Variants in PTPRF observed in about 807,000 individuals in gnomAD.
The protein encoded by PTPRF is protein tyrosine phosphatase receptor type F, also known as receptor-type tyrosine-protein phosphatase F.
Under a neutral mutation model 201.8 loss-of-function variants are expected in PTPRF, and 59 were observed. That is an observed-to-expected ratio of 0.29 (90% CI 0.24 to 0.36). The LOEUF is 0.36. PTPRF is among the 10% of genes least tolerant of loss of function. The pLI is 1.00. For missense variants in PTPRF, 2,132 were observed against 2,690.5 expected, an observed-to-expected ratio of 0.79 and a Z score of 4.59; for synonymous variants, 1,088 against 1,089.7, an observed-to-expected ratio of 1.00 and a Z score of 0.03.
intron 6 of PTPRF, among the ~76,000 whole-genome samples, chr1:43,573,154 G>A (rs1169534835): frequency 6.6e-6 from 1 of 152,102 alleles, no homozygotes; most frequent in African/African-American, 2.4e-5. Flanking sequence ...ACCACCTCCT[G>A]GAGAATTGGA....
chr1:43,621,817 GTCC>G, intron 33 of PTPRF, 115 bp from the exon 34 acceptor site: 6 of 973,754 alleles, frequency 6.2e-6, no homozygotes, highest in Non-Finnish European at 9.5e-6. Context: ...AGCTGCCAGG[GTCC>G]AGCACCTGCT....
intron 6 of PTPRF, among the ~76,000 whole-genome samples, chr1:43,578,421 C>T (rs1475643262): frequency 1.3e-5 from 2 of 152,188 alleles, no homozygotes; most frequent in Non-Finnish European, 2.9e-5. Context: ...TGCTCCCACA[C>T]CTGGCTCTGA....
At chr1:43,576,304 G>A (rs1386010658) in intron 6 of PTPRF, among the ~76,000 whole-genome samples, 1 of 152,208 alleles carries the variant, frequency 6.6e-6, no homozygotes, top group Non-Finnish European at 1.5e-5. Context: ...GTGTGACCAA[G>A]CCTTGCCTTT....
intron 2 of PTPRF, among the ~76,000 whole-genome samples, chr1:43,541,270 C>T (rs1644345129): frequency 6.6e-6 from 1 of 152,202 alleles, no homozygotes. Flanking sequence ...GAAAACAAAT[C>T]AATCTGTGTT....
intron 7 of PTPRF, among the ~76,000 whole-genome samples, chr1:43,584,961 C>T (rs78429813): frequency 2.2e-3 from 334 of 152,254 alleles, no homozygotes; most frequent in African/African-American, 7.8e-3. Flanking sequence ...GGGTTGTCAG[C>T]GCAAATAATT....
upstream of PTPRF, among the ~76,000 whole-genome samples, chr1:43,526,099 C>T (rs189605958): frequency 1.1e-4 from 16 of 152,136 alleles, no homozygotes; most frequent in Admixed American, 9.2e-4. Context: ...AGCCTGGAGG[C>T]GCCGGAGCAC....
chr1:43,526,738 T>G (rs550860842), upstream of PTPRF, among the ~76,000 whole-genome samples: 1 of 152,252 alleles, frequency 6.6e-6, no homozygotes, highest in East Asian at 1.9e-4. Context: ...AGAGGTCCTC[T>G]TGAAAGAGCT....
chr1:43,532,333 A>G (rs1443372116), intron 1 of PTPRF, among the ~76,000 whole-genome samples: 1 of 151,914 alleles, frequency 6.6e-6, no homozygotes, highest in African/African-American at 2.4e-5. Context: ...TACCTGCCTG[A>G]GCTGTGAAAT....
chr1:43,534,802 G>A (rs1643901780), intron 1 of PTPRF, among the ~76,000 whole-genome samples: 1 of 152,188 alleles, frequency 6.6e-6, no homozygotes, highest in African/African-American at 2.4e-5. Context: ...CGACAGTGGT[G>A]AAGAGCTCGA....
chr1:43,619,257 C>T (rs1287868669), intron 27 of PTPRF, 31 bp from the exon 28 acceptor site: 3 of 1,610,214 alleles, frequency 1.9e-6, no homozygotes, highest in South Asian at 2.2e-5. Flanking sequence ...GTGGGGGCGC[C>T]TGTGCCTCAA....
At position 43,591,915 on chromosome 1, in the gene PTPRF, G is replaced by C; in HGVS notation, c.1635G>C (p.Leu545=). 1.2e-6 allele frequency: 2 copies of C among 1,613,656 alleles called. No individual in the cohort carries two copies. The highest frequency in any genetic ancestry group is 1.7e-4 in the Middle Eastern group (1 of 6,060). ...PPQERIIMYE[L]VYWAAEDEDQ... ...AGGAGCGGATCATCATGTATGAACT[G>C]GTGTACTGGGCGGCAGAGGACGAAG... The change falls in exon 10 of 34, where the codon CTG becomes CTC. Residue 545 remains leucine (L), a synonymous_variant. Transcript: ENST00000359947.
rs1646426146 is a variant in PTPRF, at chr1:43,569,534, G to A, written c.380-56G>A. ...CAGTTGGGGAGGTTACCCCCAGAGGGGTCATAGGGGGCAGGCAGAGCCAGC... is the reference window on the plus strand; with the variant it reads ...CAGTTGGGGAGGTTACCCCCAGAGGAGTCATAGGGGGCAGGCAGAGCCAGC... On this transcript the variant is annotated intron_variant, in intron 5 of 33. Coordinates refer to ENST00000359947, the MANE Select transcript of PTPRF (RefSeq NM_002840.5). 9 of 1,519,826 alleles carry A rather than the reference G, an allele frequency of 5.9e-6. No individual in the cohort carries two copies. The South Asian group carries it at 1.2e-4, about 20-fold the overall frequency. 94.1% of individuals were successfully genotyped at this position (1,519,826 alleles called of 1,614,324 possible). A position where few individuals can be genotyped will look rare whatever the true frequency, so the allele number is the denominator to read the frequency against.
At chr1:43,532,872 C>G (rs1557653281) in intron 1 of PTPRF, among the ~76,000 whole-genome samples, 2 of 152,230 alleles carry the variant, frequency 1.3e-5, no homozygotes, top group African/African-American at 2.4e-5. Context: ...TCAGCTCACC[C>G]CCTCCACCCC....
chr1:43,581,322 C>T (rs1202568440), intron 7 of PTPRF, among the ~76,000 whole-genome samples: 1 of 152,198 alleles, frequency 6.6e-6, no homozygotes, highest in Admixed American at 6.5e-5. Flanking sequence ...CCAGGGACTC[C>T]AAAACAGCCA....
chr1:43,591,782 G>T (rs1650825526), intron 9 of PTPRF, 30 bp from the exon 10 acceptor site: 1 of 1,611,616 alleles, frequency 6.2e-7, no homozygotes, highest in South Asian at 1.1e-5. Flanking sequence ...ACGCAGATGA[G>T]GCTGACCTGC....
chr1:43,522,720 G>A (rs921311760), upstream of PTPRF, among the ~76,000 whole-genome samples: 1 of 152,202 alleles, frequency 6.6e-6, no homozygotes, highest in African/African-American at 2.4e-5. Flanking sequence ...TAGAAAGAAT[G>A]GGGAGAGGGA....
intron 7 of PTPRF, among the ~76,000 whole-genome samples, chr1:43,583,485 G>A (rs3791134): frequency 0.3 from 45,340 of 152,104 alleles, 7,422 homozygotes; most frequent in Middle Eastern, 0.38. Context: ...GACCTGTAGC[G>A]CTTTGTGTGC....
chr1:43,617,309 G>T, intron 23 of PTPRF, 136 bp from the exon 24 acceptor site: 1 of 1,282,824 alleles, frequency 7.8e-7, no homozygotes, highest in Non-Finnish European at 1.1e-6. Context: ...CTGGCACCAC[G>T]AGATAGAGGG....
chr1:43,606,109 G>A (rs1655029491), intron 19 of PTPRF, 131 bp from the exon 20 acceptor site: 1 of 959,152 alleles, frequency 1.0e-6, no homozygotes, highest in Non-Finnish European at 1.5e-6. Context: ...CAGTGGGTTG[G>A]GCAGGTGTGG....
Sources: allele counts gnomAD v4.1 joint callset (sites outside exome capture counted in the v4.1 genomes callset), GRCh38; gene constraint gnomAD v4.1.1; transcripts MANE v1.5; gene names NCBI Gene and HGNC (gene_info 2026-07-23, HGNC 2026-07-21).